The following GALNT13 variants were observed in gnomAD, a reference collection of about 807,000 sequenced individuals.
The protein encoded by GALNT13 is polypeptide N-acetylgalactosaminyltransferase 13, also known as UDP-GalNAc:polypeptide N-acetylgalactosaminyltransferase 13.
In GALNT13, 28 loss-of-function variants were observed where a neutral mutation model predicts 64.2. That is an observed-to-expected ratio of 0.44 (90% CI 0.32 to 0.60). GALNT13 has a LOEUF of 0.60. GALNT13 is among the 20% of genes least tolerant of loss of function. The pLI is 0.05. For missense variants in GALNT13, 577 were observed against 669.8 expected, an observed-to-expected ratio of 0.86 and a Z score of 1.53; for synonymous variants, 214 against 224.6, an observed-to-expected ratio of 0.95 and a Z score of 0.42.
the GALNT13 span, among the ~76,000 whole-genome samples, chr2:153,139,559 C>T: frequency 3.5e-3 from 532 of 151,952 alleles, 4 homozygotes; most frequent in South Asian, 0.017. Context: ...TCTGAGCACA[C>T]CCTTGAGGGA....
intron 7 of GALNT13, among the ~76,000 whole-genome samples, chr2:154,256,895 A>G (rs927794717): frequency 1.3e-5 from 2 of 152,112 alleles, no homozygotes; most frequent in African/African-American, 4.8e-5. Context: ...AAGATTTTTC[A>G]TTTTCTAGAT....
At chr2:153,566,348 G>GTTTTTTTTTTTTTTTTT in the GALNT13 span, among the ~76,000 whole-genome samples, 76 of 74,790 alleles carry the variant, frequency 1.0e-3, 5 homozygotes, top group African/African-American at 2.4e-3. Flanking sequence ...TTCTAATCAC[G>GTTTTTTTTTTTTTTTTT]TTTTTTTTTT....
At chr2:153,660,446 T>A in the GALNT13 span, among the ~76,000 whole-genome samples, 2 of 151,894 alleles carry the variant, frequency 1.3e-5, no homozygotes, top group African/African-American at 4.8e-5. Context: ...AGCAAGGAAC[T>A]GATACTGTAT....
chr2:153,477,900 C>CA, the GALNT13 span: 1 of 333,846 alleles, frequency 3.0e-6, no homozygotes, highest in South Asian at 4.2e-5. Flanking sequence ...CACCTGCCCC[C>CA]AGAGCTTGGC....
the GALNT13 span, among the ~76,000 whole-genome samples, chr2:153,631,738 G>C: frequency 5.9e-5 from 9 of 151,846 alleles, no homozygotes; most frequent in African/African-American, 1.9e-4. Context: ...TTGCAAAAAT[G>C]TTCTCCCATT....
chr2:153,273,125 G>T, the GALNT13 span, among the ~76,000 whole-genome samples: 1 of 152,088 alleles, frequency 6.6e-6, no homozygotes, highest in Non-Finnish European at 1.5e-5. Flanking sequence ...ACCGGGGCCT[G>T]TCAGGGGGTG....
intron 10 of GALNT13, among the ~76,000 whole-genome samples, chr2:154,408,613 G>C (rs1270621586): frequency 6.6e-6 from 1 of 151,984 alleles, no homozygotes; most frequent in East Asian, 1.9e-4. Context: ...TTCAAGAATA[G>C]TCAATGGTTA....
At chr2:154,011,950 G>A (rs1193228918) in intron 3 of GALNT13, among the ~76,000 whole-genome samples, 1 of 151,976 alleles carries the variant, frequency 6.6e-6, no homozygotes, top group Non-Finnish European at 1.5e-5. Context: ...GAGCCTCTAG[G>A]TCTCCTTGCC....
chr2:154,011,295 T>C (rs1259423708), intron 3 of GALNT13, among the ~76,000 whole-genome samples: 2 of 152,162 alleles, frequency 1.3e-5, no homozygotes, highest in Non-Finnish European at 2.9e-5. Flanking sequence ...CTCACTGTTT[T>C]CAAAGAAATT....
the GALNT13 span, among the ~76,000 whole-genome samples, chr2:153,105,487 A>G: frequency 1.3e-5 from 2 of 151,880 alleles, no homozygotes; most frequent in Non-Finnish European, 2.9e-5. Context: ...CTCTCTCACC[A>G]CTCCTATTCA....
chr2:153,812,716 T>A, the GALNT13 span, among the ~76,000 whole-genome samples: 1 of 152,198 alleles, frequency 6.6e-6, no homozygotes, highest in African/African-American at 2.4e-5. Flanking sequence ...CCTTTGTTTA[T>A]CTCAGGTGGA....
At chr2:154,297,328 G>A (rs1477273464) in intron 8 of GALNT13, among the ~76,000 whole-genome samples, 1 of 152,158 alleles carries the variant, frequency 6.6e-6, no homozygotes, top group African/African-American at 2.4e-5. Flanking sequence ...AAGGATGGTG[G>A]CCGCGGAAAC....
the GALNT13 span, among the ~76,000 whole-genome samples, chr2:153,716,860 G>GC: frequency 6.6e-6 from 1 of 152,022 alleles, no homozygotes; most frequent in Admixed American, 6.6e-5. Context: ...TAATGGAAAG[G>GC]CCCCCTACTG....
At chr2:153,418,645 GAGA>G in the GALNT13 span, among the ~76,000 whole-genome samples, 1 of 152,178 alleles carries the variant, frequency 6.6e-6, no homozygotes, top group African/African-American at 2.4e-5. Flanking sequence ...ACCTTGACAG[GAGA>G]AGATTTGGTA....
At chr2:153,217,643 T>C in the GALNT13 span, among the ~76,000 whole-genome samples, 1 of 149,782 alleles carries the variant, frequency 6.7e-6, no homozygotes, top group African/African-American at 2.5e-5. Flanking sequence ...TTCCTCTTAC[T>C]GTGATTTTTA....
intron 2 of GALNT13, among the ~76,000 whole-genome samples, chr2:153,908,805 A>G (rs1688750291): frequency 6.6e-6 from 1 of 151,952 alleles, no homozygotes; most frequent in East Asian, 1.9e-4. Flanking sequence ...TCTGTAGTAT[A>G]GTTTGAAGTT....
At chr2:153,813,035 A>G in the GALNT13 span, among the ~76,000 whole-genome samples, 1 of 152,156 alleles carries the variant, frequency 6.6e-6, no homozygotes, top group Non-Finnish European at 1.5e-5. Flanking sequence ...CTTTTTATCT[A>G]TACGCTTCAT....
chr2:153,792,315 C>T, the GALNT13 span, among the ~76,000 whole-genome samples: 1 of 151,998 alleles, frequency 6.6e-6, no homozygotes, highest in Non-Finnish European at 1.5e-5. Context: ...TTGTCATTCT[C>T]CAAACAATAT....
At chr2:154,136,092 C>T (rs974517012) in intron 3 of GALNT13, among the ~76,000 whole-genome samples, 17 of 151,796 alleles carry the variant, frequency 1.1e-4, no homozygotes, top group African/African-American at 3.6e-4. Context: ...ATGAGAGGGA[C>T]TAAAAGTCAG....
Sources: allele counts gnomAD v4.1 joint callset (sites outside exome capture counted in the v4.1 genomes callset), GRCh38; gene constraint gnomAD v4.1.1; transcripts MANE v1.5; gene names NCBI Gene and HGNC (gene_info 2026-07-23, HGNC 2026-07-21).